The following CAMKMT variants were observed in gnomAD, a reference collection of about 807,000 sequenced individuals.
CAMKMT encodes CaM KMT.
Under a neutral mutation model 48.0 loss-of-function variants are expected in CAMKMT, and 53 were observed. The ratio of observed to expected loss-of-function variants is 1.10; its 90% CI spans 0.89 to 1.39. The LOEUF (loss-of-function observed/expected upper bound fraction) is 1.39. CAMKMT is among the 40% of genes most tolerant of loss of function. CAMKMT has a pLI of 0.00. For synonymous variants in CAMKMT, 165 were observed against 152.3 expected (o/e 1.08, Z -0.61); for missense variants, 428 against 402.7 (o/e 1.06, Z -0.54).
intron 3 of CAMKMT, among the ~76,000 whole-genome samples, chr2:44,467,597 ACC>A (rs1243587560): frequency 6.6e-6 from 1 of 152,126 alleles, no homozygotes; most frequent in East Asian, 1.9e-4. Context: ...CACCACCACC[ACC>A]ACCAAAATAT....
Position 44,511,904 on chromosome 2 carries a change from C to T in CAMKMT, c.376+121599C>T, listed in dbSNP as rs181493468. On this transcript the variant is annotated intron_variant, in intron 3 of 10. Transcript: ENST00000378494. ...ATCTGTCCAACCTGCTTACTCTGCC[C>T]ACCCCCCATCTTCTAATAGTACTGT... 9.9e-5 allele frequency among the ~76,000 whole-genome samples: 15 copies of T among 152,140 alleles called. 1 individual carries two copies. Among genetic ancestry groups the T allele is most frequent in the African/African-American group, 3.4e-4 (14 of 41,434 alleles).
chr2:44,529,221 C>T (rs1472867827), intron 3 of CAMKMT, among the ~76,000 whole-genome samples: 1 of 152,136 alleles, frequency 6.6e-6, no homozygotes, highest in African/African-American at 2.4e-5. Context: ...ATTATGAACT[C>T]CTAGATTTTT....
chr2:44,444,719 A>G (rs1037524843), intron 3 of CAMKMT, among the ~76,000 whole-genome samples: 1 of 152,186 alleles, frequency 6.6e-6, no homozygotes, highest in Non-Finnish European at 1.5e-5. Context: ...GGTGATGGGA[A>G]TAAATAGGGT....
chr2:44,639,518 T>G (rs1448300599), intron 3 of CAMKMT, among the ~76,000 whole-genome samples: 3 of 152,226 alleles, frequency 2.0e-5, no homozygotes, highest in Non-Finnish European at 4.4e-5. Flanking sequence ...TTATGGTACC[T>G]ACTTCATAAG....
intron 1 of CAMKMT, among the ~76,000 whole-genome samples, chr2:44,362,586 A>C (rs1186205440): frequency 6.6e-6 from 1 of 152,150 alleles, no homozygotes. Flanking sequence ...TCTTTTGCCC[A>C]GCGTGGTTGA....
At chr2:44,549,728 A>G (rs1399043241) in intron 3 of CAMKMT, 4 of 521,380 alleles carry the variant, frequency 7.7e-6, no homozygotes, top group African/African-American at 2.0e-5. Context: ...CTCAGACTTC[A>G]GTAAGTAAGC....
intron 3 of CAMKMT, among the ~76,000 whole-genome samples, chr2:44,635,205 G>A (rs1312350759): frequency 6.6e-6 from 1 of 152,138 alleles, no homozygotes; most frequent in African/African-American, 2.4e-5. Flanking sequence ...TGTGAATGGA[G>A]CATAAGGTGT....
At chr2:44,432,409 C>T (rs1447607381) in intron 3 of CAMKMT, among the ~76,000 whole-genome samples, 1 of 152,156 alleles carries the variant, frequency 6.6e-6, no homozygotes, top group Non-Finnish European at 1.5e-5. Context: ...CCACATACTT[C>T]CTTCATAAAC....
At chr2:44,643,650 G>A (rs1386922997) in intron 3 of CAMKMT, among the ~76,000 whole-genome samples, 1 of 152,084 alleles carries the variant, frequency 6.6e-6, no homozygotes, top group Non-Finnish European at 1.5e-5. Flanking sequence ...GAATTTGGGT[G>A]TTTGAAAAAA....
chr2:44,456,966 A>T (rs1667596438), intron 3 of CAMKMT: 2 of 181,168 alleles, frequency 1.1e-5, no homozygotes, highest in African/African-American at 4.7e-5. Context: ...CAGTTATTGC[A>T]TTAGGTGTAG....
At chr2:44,570,134 C>T (rs1263837479) in intron 3 of CAMKMT, among the ~76,000 whole-genome samples, 1 of 151,976 alleles carries the variant, frequency 6.6e-6, no homozygotes, top group Non-Finnish European at 1.5e-5. Flanking sequence ...AGTAATGTTT[C>T]CCCCAAATAC....
At chr2:44,635,028 G>C (rs1216914205) in intron 3 of CAMKMT, among the ~76,000 whole-genome samples, 1 of 152,148 alleles carries the variant, frequency 6.6e-6, no homozygotes, top group Non-Finnish European at 1.5e-5. Flanking sequence ...AACTATACTT[G>C]CACCATTGCA....
intron 3 of CAMKMT, among the ~76,000 whole-genome samples, chr2:44,531,200 G>A (rs909488868): frequency 2.6e-5 from 4 of 151,888 alleles, no homozygotes; most frequent in Admixed American, 6.6e-5. Context: ...TGTTCTGCGC[G>A]GTTTTTAAGA....
chr2:44,386,287 T>C (rs975270304), intron 2 of CAMKMT, among the ~76,000 whole-genome samples: 1 of 152,080 alleles, frequency 6.6e-6, no homozygotes, highest in African/African-American at 2.4e-5. Flanking sequence ...CCATCTCTTC[T>C]AGGTTTTCTA....
intron 3 of CAMKMT, chr2:44,631,588 A>T (rs2103970062): frequency 5.4e-6 from 3 of 551,214 alleles, no homozygotes; most frequent in Non-Finnish European, 6.3e-6. Context: ...AGCATGAGCC[A>T]CTGCTCCCAG....
At chr2:44,594,625 C>T (rs1010819984) in intron 3 of CAMKMT, among the ~76,000 whole-genome samples, 1 of 152,178 alleles carries the variant, frequency 6.6e-6, no homozygotes, top group Non-Finnish European at 1.5e-5. Context: ...GAAGCTGAAA[C>T]TGGATCCCTT....
chr2:44,625,322 A>G (rs949266991), intron 3 of CAMKMT, among the ~76,000 whole-genome samples: 1 of 152,134 alleles, frequency 6.6e-6, no homozygotes, highest in African/African-American at 2.4e-5. Flanking sequence ...TCTTTTGTAC[A>G]GTTTTTAGTT....
At chr2:44,642,710 G>T (rs1553431227) in intron 3 of CAMKMT, among the ~76,000 whole-genome samples, 1 of 152,048 alleles carries the variant, frequency 6.6e-6, no homozygotes, top group Non-Finnish European at 1.5e-5. Flanking sequence ...ACTACTCTGG[G>T]GGAGAGAATT....
intron 8 of CAMKMT, among the ~76,000 whole-genome samples, chr2:44,747,382 G>A (rs188076085): frequency 5.3e-5 from 8 of 152,040 alleles, no homozygotes; most frequent in South Asian, 2.1e-4. Flanking sequence ...CACAACTCAC[G>A]GAAGTTTACA....
Sources: allele counts gnomAD v4.1 joint callset (sites outside exome capture counted in the v4.1 genomes callset), GRCh38; gene constraint gnomAD v4.1.1; transcripts MANE v1.5; gene names NCBI Gene and HGNC (gene_info 2026-07-23, HGNC 2026-07-21).